DNAJC1: variants seen among roughly 807,000 people sequenced by gnomAD.
The protein encoded by DNAJC1 is dnaJ homolog subfamily C member 1.
DNAJC1 carries 58 observed loss-of-function variants against 76.6 expected under a neutral mutation model. The observed-to-expected ratio is 0.76, with a 90% CI of 0.61 to 0.94. DNAJC1 has a LOEUF of 0.94. Among genes scored for constraint, DNAJC1 ranks in the 40% least tolerant of loss-of-function variants. The pLI, the probability that DNAJC1 is intolerant of heterozygous loss-of-function variation, is 0.00. For synonymous variants in DNAJC1, 258 were observed against 267.9 expected, an observed-to-expected ratio of 0.96 and a Z score of 0.36; for missense variants, 689 against 677.3, an observed-to-expected ratio of 1.02 and a Z score of -0.19.
At chr10:21,868,086 A>AAACAAAAAG (rs1425841496) in intron 8 of DNAJC1, among the ~76,000 whole-genome samples, 2 of 148,808 alleles carry the variant, frequency 1.3e-5, no homozygotes, top group South Asian at 4.2e-4. Context: ...CAAAAAAAAA[A>AAACAAAAAG]AAACAAAAAA....
At chr10:21,822,021 T>C (rs74328393) in intron 8 of DNAJC1, among the ~76,000 whole-genome samples, 5,416 of 152,298 alleles carry the variant, frequency 0.036, 170 homozygotes, top group African/African-American at 0.07. Context: ...GAATGGTACC[T>C]GACTCTTAGT....
At chr10:21,888,572 T>C (rs561869941) in intron 7 of DNAJC1, among the ~76,000 whole-genome samples, 2 of 152,292 alleles carry the variant, frequency 1.3e-5, no homozygotes, top group Admixed American at 6.5e-5. Context: ...GTGGTACATA[T>C]ACACCATGGA....
intron 10 of DNAJC1, among the ~76,000 whole-genome samples, chr10:21,762,455 A>C (rs972570141): frequency 6.6e-6 from 1 of 152,232 alleles, no homozygotes; most frequent in Non-Finnish European, 1.5e-5. Context: ...TCCTAGTTGG[A>C]AAAGATGACC....
At chr10:21,793,831 T>C (rs1564789474) in intron 9 of DNAJC1, among the ~76,000 whole-genome samples, 2 of 152,116 alleles carry the variant, frequency 1.3e-5, no homozygotes, top group Non-Finnish European at 2.9e-5. Context: ...TCCATCCCTG[T>C]AGTCCCAGCT....
chr10:21,854,035 A>G (rs1257058919), intron 8 of DNAJC1, among the ~76,000 whole-genome samples: 1 of 152,082 alleles, frequency 6.6e-6, no homozygotes, highest in African/African-American at 2.4e-5. Context: ...AGTGAAACAA[A>G]TTAGTGGCAT....
intron 7 of DNAJC1, among the ~76,000 whole-genome samples, chr10:21,887,162 C>G (rs906866958): frequency 1.3e-5 from 2 of 151,994 alleles, no homozygotes; most frequent in African/African-American, 2.4e-5. Context: ...GAATAAAATA[C>G]CTAGGAATAC....
At position 21,833,248 on chromosome 10, in the gene DNAJC1, G is replaced by C. The variant is rs539519752; in HGVS notation, c.979-27149C>G. On this transcript the variant is annotated intron_variant, in intron 8 of 11. Coordinates refer to ENST00000376980, the MANE Select transcript of DNAJC1 (RefSeq NM_022365.4). ...GCACTTTGGGAGGCTGAGGCAGGTGGATCACAAGGTCAGGAGTTTGAGACC... is the reference window on the plus strand; with the variant it reads ...GCACTTTGGGAGGCTGAGGCAGGTGCATCACAAGGTCAGGAGTTTGAGACC... Among the ~76,000 whole-genome samples the C allele has an allele frequency of 4.6e-5, 7 of 152,182 alleles. No individual in the cohort carries two copies. In the South Asian group the frequency reaches 1.5e-3, roughly 32 times the overall value.
At chr10:21,874,231 C>A (rs543629142) in intron 8 of DNAJC1, among the ~76,000 whole-genome samples, 1 of 152,238 alleles carries the variant, frequency 6.6e-6, no homozygotes, top group East Asian at 1.9e-4. Context: ...GCCTGGGCAA[C>A]ATAGTGAGAT....
Position 21,789,558 on chromosome 10 carries a change from T to A in DNAJC1, c.1098+16422A>T, listed in dbSNP as rs973522009. ...CACAAGTTGCCAGTATAGAAATTAA[T>A]GAACTTAAGGAAACTCACCAAGATA... On this transcript the variant is annotated intron_variant, in intron 9 of 11. Coordinates refer to ENST00000376980, the MANE Select transcript of DNAJC1 (RefSeq NM_022365.4). Among the ~76,000 whole-genome samples the A allele has an allele frequency of 5.9e-5, 9 of 152,124 alleles. No individual in the cohort carries two copies. In the East Asian group the frequency reaches 1.5e-3, roughly 26 times the overall value.
chr10:21,805,505 C>A (rs1327076229), intron 9 of DNAJC1, among the ~76,000 whole-genome samples: 2 of 150,794 alleles, frequency 1.3e-5, no homozygotes, highest in African/African-American at 4.9e-5. Context: ...ACTTATCAAA[C>A]GAACTGTTGC....
At chr10:21,772,737 A>C (rs1446813944) in intron 9 of DNAJC1, among the ~76,000 whole-genome samples, 1 of 151,568 alleles carries the variant, frequency 6.6e-6, no homozygotes. Flanking sequence ...TATTTCTTCC[A>C]TTTCTGCTTG....
chr10:21,976,929 A>G (rs901621024), intron 1 of DNAJC1, among the ~76,000 whole-genome samples: 2 of 152,136 alleles, frequency 1.3e-5, no homozygotes, highest in Non-Finnish European at 2.9e-5. Flanking sequence ...TTCTTCCGTA[A>G]CAACAACAGC....
intron 8 of DNAJC1, among the ~76,000 whole-genome samples, chr10:21,847,325 T>TAATA (rs1835676047): frequency 6.6e-6 from 1 of 152,190 alleles, no homozygotes; most frequent in Non-Finnish European, 1.5e-5. Context: ...AATTGATATA[T>TAATA]AATAATTGGA....
chr10:21,762,734 T>C (rs1219019930), intron 10 of DNAJC1, among the ~76,000 whole-genome samples: 2 of 152,010 alleles, frequency 1.3e-5, no homozygotes, highest in African/African-American at 4.8e-5. Flanking sequence ...CTCAGCCTCC[T>C]GGGCAGCTGG....
chr10:21,948,609 A>G (rs1837544559), intron 1 of DNAJC1, among the ~76,000 whole-genome samples: 1 of 152,170 alleles, frequency 6.6e-6, no homozygotes, highest in South Asian at 2.1e-4. Context: ...GATCATATTC[A>G]CGTAACTTTT....
chr10:21,994,934 TTAATA>T (rs1291421195), intron 1 of DNAJC1, among the ~76,000 whole-genome samples: 8 of 148,172 alleles, frequency 5.4e-5, no homozygotes, highest in Non-Finnish European at 1.2e-4. Context: ...TACTTATATA[TTAATA>T]TATTATATAT....
At chr10:21,832,128 A>G (rs1295557863) in intron 8 of DNAJC1, among the ~76,000 whole-genome samples, 1 of 152,192 alleles carries the variant, frequency 6.6e-6, no homozygotes, top group Non-Finnish European at 1.5e-5. Flanking sequence ...ATAAAAATAC[A>G]TGTAAATTCT....
At chr10:21,975,036 A>C (rs777902654) in intron 1 of DNAJC1, among the ~76,000 whole-genome samples, 1 of 152,118 alleles carries the variant, frequency 6.6e-6, no homozygotes, top group Non-Finnish European at 1.5e-5. Context: ...ATGGTATGGA[A>C]GTATATATTT....
intron 9 of DNAJC1, among the ~76,000 whole-genome samples, chr10:21,797,114 T>G (rs986506895): frequency 6.6e-6 from 1 of 150,922 alleles, no homozygotes; most frequent in Non-Finnish European, 1.5e-5. Flanking sequence ...ATTAAAAAAA[T>G]TTTTTTTTTG....
Sources: gnomAD v4.1 joint callset for allele counts (sites outside exome capture counted in the v4.1 genomes callset) on GRCh38, gnomAD v4.1.1 for gene constraint, MANE v1.5 for transcripts, NCBI Gene and HGNC (gene_info 2026-07-23, HGNC 2026-07-21) for gene names.